Variants in RBFOX1 observed in about 807,000 individuals in gnomAD.
RBFOX1 encodes the protein RNA binding protein fox-1 homolog 1.
Under a neutral mutation model 57.7 loss-of-function variants are expected in RBFOX1, and 8 were observed. That is an observed-to-expected ratio of 0.14 (90% CI 0.08 to 0.25). The LOEUF (loss-of-function observed/expected upper bound fraction) is 0.25, where lower values mean the gene tolerates loss of function less well. Among genes scored for constraint, RBFOX1 ranks in the 10% least tolerant of loss-of-function variants. RBFOX1 has a pLI of 1.00. For missense variants in RBFOX1, 611 were observed against 548.5 expected, an observed-to-expected ratio of 1.11 and a Z score of -1.14; for synonymous variants, 326 against 222.4, an observed-to-expected ratio of 1.47 and a Z score of -4.15.
At chr16:7,691,144 C>T (rs775991540) in intron 14 of RBFOX1, among the ~76,000 whole-genome samples, 3 of 151,898 alleles carry the variant, frequency 2.0e-5, no homozygotes, top group Admixed American at 6.6e-5. Context: ...AGAATGGATA[C>T]GTCAAAAAAA....
intron 3 of RBFOX1, among the ~76,000 whole-genome samples, chr16:5,705,675 T>G (rs941739836): frequency 6.6e-6 from 1 of 152,170 alleles, no homozygotes; most frequent in Non-Finnish European, 1.5e-5. Context: ...GAGAAAGAGA[T>G]GAGACCTGAC....
intron 4 of RBFOX1, among the ~76,000 whole-genome samples, chr16:7,244,276 C>G (rs184471541): frequency 6.9e-6 from 1 of 145,602 alleles, no homozygotes; most frequent in Non-Finnish European, 1.5e-5. Flanking sequence ...AAAAAACACC[C>G]TTGGGCTTTT....
At chr16:6,843,896 C>G (rs1399749440) in intron 3 of RBFOX1, among the ~76,000 whole-genome samples, 1 of 152,126 alleles carries the variant, frequency 6.6e-6, no homozygotes, top group Non-Finnish European at 1.5e-5. Context: ...CCTTCAGTAT[C>G]TAAGAATATG....
chr16:5,852,675 G>A (rs559044764), intron 3 of RBFOX1, among the ~76,000 whole-genome samples: 5 of 152,182 alleles, frequency 3.3e-5, no homozygotes, highest in Non-Finnish European at 5.9e-5. Flanking sequence ...TTGTAAAAGG[G>A]GTTATGCAGT....
intron 3 of RBFOX1, among the ~76,000 whole-genome samples, chr16:5,824,219 G>A (rs949359582): frequency 2.6e-5 from 4 of 152,190 alleles, no homozygotes; most frequent in African/African-American, 7.2e-5. Flanking sequence ...AGGAGGGGGC[G>A]CCAGAGTCTG....
chr16:5,641,278 A>G (rs1177789784), intron 3 of RBFOX1, among the ~76,000 whole-genome samples: 1 of 152,260 alleles, frequency 6.6e-6, no homozygotes, highest in African/African-American at 2.4e-5. Context: ...GCTGTGTTCT[A>G]GGTGCTGAGA....
chr16:7,465,393 T>C (rs561473998), intron 4 of RBFOX1, among the ~76,000 whole-genome samples: 10 of 152,350 alleles, frequency 6.6e-5, no homozygotes, highest in Admixed American at 6.5e-4. Flanking sequence ...TGTTCTTGTG[T>C]CTCAGTGCCT....
chr16:5,466,798 C>G (rs1441853676), intron 1 of RBFOX1, among the ~76,000 whole-genome samples: 1 of 152,124 alleles, frequency 6.6e-6, no homozygotes, highest in Non-Finnish European at 1.5e-5. Context: ...ACCTGCCATC[C>G]CTCCATATGG....
At chr16:6,889,542 C>T (rs1015404509) in intron 3 of RBFOX1, among the ~76,000 whole-genome samples, 1 of 152,162 alleles carries the variant, frequency 6.6e-6, no homozygotes. Context: ...GTTACTCACC[C>T]TGTCTTGAAT....
chr16:6,309,102 C>A (rs750990314), intron 1 of RBFOX1, among the ~76,000 whole-genome samples: 9 of 151,950 alleles, frequency 5.9e-5, no homozygotes, highest in Non-Finnish European at 1.2e-4. Context: ...CAAACCACTG[C>A]GTTCGCCTGT....
chr16:5,628,593 G>A (rs940065979), intron 3 of RBFOX1, among the ~76,000 whole-genome samples: 1 of 152,176 alleles, frequency 6.6e-6, no homozygotes, highest in Non-Finnish European at 1.5e-5. Context: ...TAGAGTTATT[G>A]CTCTGTCTTC....
intron 3 of RBFOX1, among the ~76,000 whole-genome samples, chr16:5,657,732 CTTTTCTTTT>C (rs1174364619): frequency 1.0e-5 from 1 of 98,352 alleles, no homozygotes; most frequent in Admixed American, 1.2e-4. Context: ...TGTTTCTTTT[CTTTTCTTTT>C]TTTTTTTTTG....
intron 2 of RBFOX1, among the ~76,000 whole-genome samples, chr16:6,366,415 A>G (rs1356818370): frequency 2.0e-5 from 3 of 152,268 alleles, no homozygotes; most frequent in East Asian, 1.9e-4. Context: ...TACAGACATC[A>G]TGTCCCCTAC....
At chr16:6,245,111 C>T (rs201421678) in intron 1 of RBFOX1, among the ~76,000 whole-genome samples, 1 of 152,134 alleles carries the variant, frequency 6.6e-6, no homozygotes, top group African/African-American at 2.4e-5. Context: ...ATTGCTGAAT[C>T]ATAGTAGAAA....
At chr16:7,313,106 C>G (rs1455687361) in intron 4 of RBFOX1, among the ~76,000 whole-genome samples, 1 of 152,156 alleles carries the variant, frequency 6.6e-6, no homozygotes, top group African/African-American at 2.4e-5. Context: ...TTCCACATCA[C>G]TCTTCATCCG....
chr16:6,974,651 T>C lies in RBFOX1; in HGVS notation c.-15-77406T>C, dbSNP rs143331304. On this transcript the variant is annotated intron_variant, in intron 3 of 15. Transcript: ENST00000550418. ...TGAGTCACTGCACCTGGCCCATAAATCATATTCTTTATTTGCATTTCTGGA... is the reference window on the plus strand; with the variant it reads ...TGAGTCACTGCACCTGGCCCATAAACCATATTCTTTATTTGCATTTCTGGA... 5.3e-5 allele frequency among the ~76,000 whole-genome samples: 8 copies of C among 152,004 alleles called. No homozygotes were observed. The East Asian group carries it at 1.6e-3, about 30-fold the overall frequency.
chr16:7,075,905 A>G (rs2058206476), intron 4 of RBFOX1, among the ~76,000 whole-genome samples: 1 of 151,748 alleles, frequency 6.6e-6, no homozygotes, highest in Non-Finnish European at 1.5e-5. Context: ...ACATGTAAAC[A>G]ATTTCCTGTA....
chr16:5,534,204 C>G (rs2044600670), intron 2 of RBFOX1, among the ~76,000 whole-genome samples: 1 of 152,064 alleles, frequency 6.6e-6, no homozygotes, highest in African/African-American at 2.4e-5. Flanking sequence ...GCATTTTCAG[C>G]TTTAGTGGTG....
At chr16:6,136,788 A>G (rs2096670643) in intron 1 of RBFOX1, among the ~76,000 whole-genome samples, 1 of 152,180 alleles carries the variant, frequency 6.6e-6, no homozygotes, top group African/African-American at 2.4e-5. Context: ...CCATACACAG[A>G]GAAGTACTGT....
Sources: gnomAD v4.1 joint callset for allele counts (sites outside exome capture counted in the v4.1 genomes callset) on GRCh38, gnomAD v4.1.1 for gene constraint, MANE v1.5 for transcripts, NCBI Gene and HGNC (gene_info 2026-07-23, HGNC 2026-07-21) for gene names.